Variants in PYGO1 observed in about 807,000 individuals in gnomAD.
PYGO1 encodes the protein pygopus family PHD finger 1.
Under a neutral mutation model 29.5 loss-of-function variants are expected in PYGO1, and 6 were observed. That is an observed-to-expected ratio of 0.20 (90% CI 0.11 to 0.40). The LOEUF is 0.40. Ranked by LOEUF, PYGO1 falls within the 10% of genes least tolerant of loss-of-function variation. PYGO1 has a pLI of 1.00. For synonymous variants in PYGO1, 186 were observed against 180.5 expected, an observed-to-expected ratio of 1.03 and a Z score of -0.24; for missense variants, 515 against 514.9, an observed-to-expected ratio of 1.00 and a Z score of 0.00.
At chr15:55,585,278 A>G (rs1470800023) in intron 1 of PYGO1, among the ~76,000 whole-genome samples, 1 of 152,230 alleles carries the variant, frequency 6.6e-6, no homozygotes. Context: ...TACATATAAA[A>G]TAAATACACA....
rs559342323 is a variant in PYGO1, at chr15:55,544,036, C to T, written c.*1987G>A. Reference sequence around the variant, plus strand: ...GGTAAAGTTTTCACACAAAGGAGTACCTAGAAGTATAGTTTATATCATTTT... The same window carrying T: ...GGTAAAGTTTTCACACAAAGGAGTATCTAGAAGTATAGTTTATATCATTTT... On this transcript the variant is annotated 3_prime_UTR_variant, in exon 3 of 3. Transcript: ENST00000563719. 2.4e-4 allele frequency: 37 copies of T among 152,048 alleles called. No individual in the cohort carries two copies. Among genetic ancestry groups the T allele is most frequent in the African/African-American group, 6.0e-4 (25 of 41,494 alleles). 9.4% of individuals were successfully genotyped at this position (152,048 alleles called of 1,614,324 possible).
At position 55,545,881 on chromosome 15, in the gene PYGO1, A is replaced by T; in HGVS notation, c.*142T>A. The T allele has an allele frequency of 1.1e-6, 1 of 922,932 alleles. No homozygotes were observed. Among genetic ancestry groups the T allele is most frequent in the Non-Finnish European group, 1.6e-6 (1 of 637,036 alleles). 57.2% of individuals were successfully genotyped at this position (922,932 alleles called of 1,614,324 possible). ...GCAAAGACAATAAAAAATTTGCTCTAGTGATGAAGTGATTAATAAAAACTA... is the reference window on the plus strand; with the variant it reads ...GCAAAGACAATAAAAAATTTGCTCTTGTGATGAAGTGATTAATAAAAACTA... On this transcript the variant is annotated 3_prime_UTR_variant, in exon 3 of 3. Coordinates refer to ENST00000563719, the MANE Select transcript of PYGO1 (RefSeq NM_001367806.1).
intron 1 of PYGO1, among the ~76,000 whole-genome samples, chr15:55,574,995 G>C (rs1489183474): frequency 6.6e-6 from 1 of 152,134 alleles, no homozygotes. Context: ...CAGATACTGG[G>C]ATAAGCACTT....
intron 1 of PYGO1, among the ~76,000 whole-genome samples, chr15:55,565,972 G>C (rs188283295): frequency 9.0e-4 from 137 of 152,272 alleles, no homozygotes; most frequent in African/African-American, 3.1e-3. Flanking sequence ...AGTAGAGACA[G>C]CGGTTCTACC....
chr15:55,587,783 C>T (rs892914773), intron 1 of PYGO1, 52 bp downstream of exon 1: 5 of 1,460,944 alleles, frequency 3.4e-6, no homozygotes, highest in African/African-American at 1.5e-5. Context: ...GCACGGGGCC[C>T]CGCGCACCTC....
intron 1 of PYGO1, among the ~76,000 whole-genome samples, chr15:55,568,634 A>T (rs954940653): frequency 1.3e-5 from 2 of 152,060 alleles, no homozygotes; most frequent in Non-Finnish European, 2.9e-5. Flanking sequence ...TGTACTGAAT[A>T]GGAGTCATGA....
intron 1 of PYGO1, among the ~76,000 whole-genome samples, chr15:55,587,503 G>T (rs1035140110): frequency 6.6e-6 from 1 of 151,764 alleles, no homozygotes; most frequent in African/African-American, 2.4e-5. Context: ...TCTGCCAGGG[G>T]GTGTCTGTTT....
At chr15:55,554,363 G>C (rs879809779) in intron 1 of PYGO1, among the ~76,000 whole-genome samples, 8 of 151,736 alleles carry the variant, frequency 5.3e-5, no homozygotes, top group Non-Finnish European at 1.2e-4. Context: ...CAGCTACTTG[G>C]GAGGCTGAGG....
At chr15:55,570,321 C>G (rs2141667826) in intron 1 of PYGO1, among the ~76,000 whole-genome samples, 1 of 152,254 alleles carries the variant, frequency 6.6e-6, no homozygotes, top group East Asian at 1.9e-4. Flanking sequence ...AGCCTCTAAT[C>G]TGCCATCTTG....
At chr15:55,549,308 C>A (rs1009345941) in intron 1 of PYGO1, among the ~76,000 whole-genome samples, 1 of 152,034 alleles carries the variant, frequency 6.6e-6, no homozygotes, top group African/African-American at 2.4e-5. Flanking sequence ...CCTACCTTTC[C>A]AAAGATAATC....
rs2058824802 is a variant in PYGO1 at position 55,540,610 on chromosome 15, TA to T, written c.*5412del. The T allele has an allele frequency of 6.6e-6, 1 of 152,166 alleles. No homozygotes were observed. Among genetic ancestry groups the T allele is most frequent in the South Asian group, 2.1e-4 (1 of 4,828 alleles). 9.4% of individuals were successfully genotyped at this position (152,166 alleles called of 1,614,324 possible). A position where few individuals can be genotyped will look rare whatever the true frequency, so the allele number is the denominator to read the frequency against. ...GTTTCACATACTTCATAGAGTAGCT[TA>T]AAACATACCAGCATAAGAAATAATT... On this transcript the variant is annotated 3_prime_UTR_variant, in exon 3 of 3. Transcript: ENST00000563719.
At chr15:55,547,350 T>C (rs1181883602) in intron 2 of PYGO1, among the ~76,000 whole-genome samples, 1 of 152,230 alleles carries the variant, frequency 6.6e-6, no homozygotes, top group Non-Finnish European at 1.5e-5. Context: ...TTTAGTTTTA[T>C]TTCATTTCCA....
At chr15:55,577,384 C>T (rs539036331) in intron 1 of PYGO1, among the ~76,000 whole-genome samples, 1 of 152,260 alleles carries the variant, frequency 6.6e-6, no homozygotes, top group African/African-American at 2.4e-5. Context: ...TGTATCCCCA[C>T]CACCTTGGGC....
chr15:55,547,256 A>G (rs1288856414), intron 2 of PYGO1, 109 bp from the exon 3 acceptor site: 2 of 931,066 alleles, frequency 2.1e-6, no homozygotes, highest in East Asian at 5.4e-5. Context: ...TTTCTCTTGC[A>G]GTGTTAACAA....
intron 1 of PYGO1, among the ~76,000 whole-genome samples, chr15:55,552,670 G>T (rs1479264450): frequency 6.6e-6 from 1 of 152,112 alleles, no homozygotes; most frequent in Admixed American, 6.6e-5. Context: ...CAGATCAGGG[G>T]ATCTCCTCGT....
At chr15:55,577,241 A>C (rs1595993561) in intron 1 of PYGO1, among the ~76,000 whole-genome samples, 1 of 152,162 alleles carries the variant, frequency 6.6e-6, no homozygotes, top group Admixed American at 6.6e-5. Context: ...CTGATCAAGG[A>C]TTCAAAAGAA....
At chr15:55,572,747 G>T (rs1567058100) in intron 1 of PYGO1, among the ~76,000 whole-genome samples, 1 of 151,922 alleles carries the variant, frequency 6.6e-6, no homozygotes, top group East Asian at 1.9e-4. Context: ...TTTTTCCAAA[G>T]AATACATAAA....
In PYGO1 at chr15:55,541,905, A is replaced by T. The variant is rs1431657824; in HGVS notation, c.*4118T>A. 1 of 152,192 alleles carries T rather than the reference A, an allele frequency of 6.6e-6. No individual in the cohort carries two copies. Among genetic ancestry groups the T allele is most frequent in the Non-Finnish European group, 1.5e-5 (1 of 68,032 alleles). 9.4% of individuals were successfully genotyped at this position (152,192 alleles called of 1,614,324 possible). A position where few individuals can be genotyped will look rare whatever the true frequency, so the allele number is the denominator to read the frequency against. On this transcript the variant is annotated 3_prime_UTR_variant, in exon 3 of 3. Transcript: ENST00000563719. ...AGAGTTCAGCATGATACTATTAACT[A>T]GATTATGGTCTAAATGAGCCTTTAG...
intron 1 of PYGO1, among the ~76,000 whole-genome samples, chr15:55,581,239 A>G (rs2059023766): frequency 6.6e-6 from 1 of 152,162 alleles, no homozygotes; most frequent in Non-Finnish European, 1.5e-5. Context: ...AAGGTGGGAG[A>G]AAAAGAGGGC....
Sources: gnomAD v4.1 joint callset for allele counts (sites outside exome capture counted in the v4.1 genomes callset) on GRCh38, gnomAD v4.1.1 for gene constraint, MANE v1.5 for transcripts, NCBI Gene and HGNC (gene_info 2026-07-23, HGNC 2026-07-21) for gene names.